Variants in RIMS2 observed in about 807,000 individuals in gnomAD.
The protein encoded by RIMS2 is regulating synaptic membrane exocytosis 2, also known as regulating synaptic membrane exocytosis protein 2.
A neutral mutation model predicts 174.4 loss-of-function variants in RIMS2; 59 were observed. The observed-to-expected ratio is 0.34, with a 90% CI of 0.27 to 0.42. The LOEUF (loss-of-function observed/expected upper bound fraction) is 0.42, where lower values mean the gene tolerates loss of function less well. RIMS2 is among the 10% of genes least tolerant of loss of function. The probability of loss-of-function intolerance (pLI) is 1.00; values close to 1 mark genes in which losing one functional copy is unlikely to be tolerated. For synonymous variants in RIMS2, 606 were observed against 572.5 expected (o/e 1.06, Z -0.84); for missense variants, 1,620 against 1,666.3 (o/e 0.97, Z 0.48).
intron 19 of RIMS2, among the ~76,000 whole-genome samples, chr8:104,166,997 T>C (rs546852523): frequency 6.6e-6 from 1 of 152,306 alleles, no homozygotes; most frequent in South Asian, 2.1e-4. Flanking sequence ...ATGGTGTGTA[T>C]ATGCCACATT....
rs540353364 is a variant in RIMS2, at chr8:104,195,373, A to T, written c.3335-49543A>T. The stretch of plus-strand genomic sequence containing the variant: ...GTGAGAGAACACAGAATTAGGAGCA[A>T]GTTTGACAAAGAAGATAAAGCATTT... On this transcript the variant is annotated intron_variant, in intron 19 of 23. Transcript: ENST00000504942. Among the ~76,000 whole-genome samples the T allele has an allele frequency of 8.3e-4, 126 of 152,094 alleles. 1 individual carries two copies. Among genetic ancestry groups the T allele is most frequent in the Non-Finnish European group, 1.3e-3 (91 of 68,022 alleles).
intron 1 of RIMS2, among the ~76,000 whole-genome samples, chr8:103,552,811 A>G (rs1848633671): frequency 6.6e-6 from 1 of 152,264 alleles, no homozygotes; most frequent in African/African-American, 2.4e-5. Flanking sequence ...TTCTCAAAAG[A>G]AGACATTTAT....
intron 17 of RIMS2, among the ~76,000 whole-genome samples, chr8:104,002,496 A>G (rs2095427747): frequency 6.6e-6 from 1 of 152,162 alleles, no homozygotes; most frequent in South Asian, 2.1e-4. Context: ...GTGGACAATA[A>G]AAAGTAACTT....
intron 3 of RIMS2, among the ~76,000 whole-genome samples, chr8:103,882,612 A>G (rs888876650): frequency 6.6e-6 from 1 of 151,590 alleles, no homozygotes; most frequent in East Asian, 1.9e-4. Flanking sequence ...TAAATCCAGT[A>G]CAAATCGACA....
At chr8:103,989,363 A>G (rs751195442) in exon 17 of RIMS2, 7 of 1,613,792 alleles carry the variant, frequency 4.3e-6, no homozygotes, top group South Asian at 1.1e-5. Flanking sequence ...TTATAATACA[A>G]TTAGCCGAAT....
chr8:103,921,723 C>G (rs1456692151), exon 10 of RIMS2: 1 of 1,580,580 alleles, frequency 6.3e-7, no homozygotes, highest in Non-Finnish European at 8.7e-7. Context: ...ATTTCTGTTA[C>G]CTCTCCCATG....
intron 2 of RIMS2, among the ~76,000 whole-genome samples, chr8:103,720,948 A>T (rs895384015): frequency 2.6e-5 from 4 of 152,208 alleles, no homozygotes; most frequent in African/African-American, 9.6e-5. Context: ...TCTTGATATG[A>T]TTCGGATTTG....
intron 19 of RIMS2, among the ~76,000 whole-genome samples, chr8:104,125,255 T>G (rs2098419334): frequency 6.6e-6 from 1 of 152,190 alleles, no homozygotes. Flanking sequence ...AAATGACAAT[T>G]GACTGAGCGA....
intron 1 of RIMS2, among the ~76,000 whole-genome samples, chr8:103,597,402 G>T (rs1413918172): frequency 6.6e-6 from 1 of 152,060 alleles, no homozygotes; most frequent in South Asian, 2.1e-4. Context: ...TTGTGTCCCT[G>T]TTTATGCATA....
At chr8:104,146,652 A>G (rs1308276221) in intron 19 of RIMS2, among the ~76,000 whole-genome samples, 1 of 152,166 alleles carries the variant, frequency 6.6e-6, no homozygotes, top group Non-Finnish European at 1.5e-5. Context: ...ATCCTTGGTA[A>G]TTAGTAGATT....
intron 19 of RIMS2, among the ~76,000 whole-genome samples, chr8:104,101,876 C>G (rs939346181): frequency 6.6e-6 from 1 of 152,104 alleles, no homozygotes; most frequent in African/African-American, 2.4e-5. Context: ...CTTCTTGAAA[C>G]ATTTTGTCTG....
intron 1 of RIMS2, among the ~76,000 whole-genome samples, chr8:103,617,496 C>T (rs879412016): frequency 2.0e-5 from 3 of 152,076 alleles, no homozygotes; most frequent in Non-Finnish European, 4.4e-5. Flanking sequence ...TCAACAAAAG[C>T]AGAAATTGAC....
chr8:103,975,227 T>C lies in RIMS2; in HGVS notation c.2771-123T>C, dbSNP rs145668544. 1.1e-4 allele frequency: 65 copies of C among 568,758 alleles called. No individual in the cohort carries two copies. The African/African-American group carries it at 1.2e-3, about 10-fold the overall frequency. The allele number at this position is 568,758 out of a possible 1,614,324, so 35.2% of individuals were successfully genotyped here. A position where few individuals can be genotyped will look rare whatever the true frequency, so the allele number is the denominator to read the frequency against. ...TAATATCATGGTTTATTCACTATACTTTATATTTAATATATTAGAAGTCTT... is the reference window on the plus strand; with the variant it reads ...TAATATCATGGTTTATTCACTATACCTTATATTTAATATATTAGAAGTCTT... On this transcript the variant is annotated intron_variant, in intron 15 of 23. Coordinates refer to ENST00000504942, the Ensembl canonical transcript of RIMS2.
At chr8:104,078,561 G>C (rs557630926) in intron 19 of RIMS2, among the ~76,000 whole-genome samples, 1 of 152,146 alleles carries the variant, frequency 6.6e-6, no homozygotes, top group Middle Eastern at 3.2e-3. Flanking sequence ...CTCTTGAAAA[G>C]CTCTAGCGTC....
At chr8:103,768,948 G>A in intron 3 of RIMS2, 1 of 406,774 alleles carries the variant, frequency 2.5e-6, no homozygotes, top group Non-Finnish European at 4.8e-6. Flanking sequence ...CTAAACAGAA[G>A]CGTCAGGAAC....
intron 20 of RIMS2, among the ~76,000 whole-genome samples, chr8:104,246,998 A>AC (rs2099336671): frequency 1.3e-5 from 1 of 79,334 alleles, no homozygotes; most frequent in African/African-American, 8.3e-5. Flanking sequence ...CTGAGTGCTG[A>AC]GGGGGCAAGG....
intron 14 of RIMS2, among the ~76,000 whole-genome samples, chr8:103,954,926 C>T (rs922699626): frequency 1.3e-5 from 2 of 152,160 alleles, no homozygotes; most frequent in South Asian, 4.2e-4. Flanking sequence ...ATATCACTAC[C>T]AATCCCACAG....
chr8:103,701,690 T>C (rs1262084792), intron 2 of RIMS2, among the ~76,000 whole-genome samples: 1 of 152,102 alleles, frequency 6.6e-6, no homozygotes, highest in African/African-American at 2.4e-5. Flanking sequence ...GTGGTATTTG[T>C]CTTTCCGGGC....
chr8:103,843,598 A>G (rs2098952731), intron 3 of RIMS2, among the ~76,000 whole-genome samples: 3 of 152,114 alleles, frequency 2.0e-5, no homozygotes, highest in Non-Finnish European at 4.4e-5. Flanking sequence ...AGTTTTCTTC[A>G]AAGTTTTGTA....
Sources: allele counts gnomAD v4.1 joint callset (sites outside exome capture counted in the v4.1 genomes callset), GRCh38; gene constraint gnomAD v4.1.1; transcripts MANE v1.5; gene names NCBI Gene and HGNC (gene_info 2026-07-23, HGNC 2026-07-21).